Variants in XPR1 observed in about 807,000 individuals in gnomAD.
XPR1 encodes solute carrier family 53 member 1.
A neutral mutation model predicts 87.5 loss-of-function variants in XPR1; 28 were observed. The observed-to-expected ratio is 0.32, with a 90% CI of 0.24 to 0.44. The LOEUF (loss-of-function observed/expected upper bound fraction) is 0.44. Among genes scored for constraint, XPR1 ranks in the 20% least tolerant of loss-of-function variants. The pLI is 1.00. For synonymous variants in XPR1, 300 were observed against 306.1 expected, an observed-to-expected ratio of 0.98 and a Z score of 0.21; for missense variants, 559 against 862.3, an observed-to-expected ratio of 0.65 and a Z score of 4.41.
chr1:180,883,093 G>T (rs1408140776), intron 14 of XPR1, among the ~76,000 whole-genome samples: 1 of 147,204 alleles, frequency 6.8e-6, no homozygotes, highest in African/African-American at 2.5e-5. Context: ...TTCCTGAGTA[G>T]CTGGGGCTAC....
intron 2 of XPR1, among the ~76,000 whole-genome samples, chr1:180,735,651 A>G (rs924902576): frequency 6.6e-6 from 1 of 152,222 alleles, no homozygotes; most frequent in Non-Finnish European, 1.5e-5. Flanking sequence ...ATGATAATCA[A>G]TGCTTTTAAC....
chr1:180,759,400 CAGAT>C (rs1474322363), intron 2 of XPR1, among the ~76,000 whole-genome samples: 4 of 152,106 alleles, frequency 2.6e-5, no homozygotes, highest in African/African-American at 7.2e-5. Context: ...AGAGAAGAAT[CAGAT>C]AGGCGCAATA....
At chr1:180,830,196 A>G (rs1366236472) in intron 9 of XPR1, among the ~76,000 whole-genome samples, 1 of 152,196 alleles carries the variant, frequency 6.6e-6, no homozygotes, top group Non-Finnish European at 1.5e-5. Context: ...CTTCGTGCAT[A>G]GATGACTACC....
intron 11 of XPR1, among the ~76,000 whole-genome samples, chr1:180,855,904 T>G (rs974407732): frequency 2.0e-5 from 3 of 152,158 alleles, no homozygotes; most frequent in Non-Finnish European, 2.9e-5. Context: ...GTGTCCTTCC[T>G]CCTGTGCACT....
At position 180,880,058 on chromosome 1, in the gene XPR1, C is replaced by A. The variant is rs950149167; in HGVS notation, c.1809-18C>A. On this transcript the variant is annotated intron_variant, in intron 13 of 14. Transcript: ENST00000367590. ...GTTACAATTTCATAAGTACTTTGAT[C>A]TACCCCATTTTGCTAAGGCGATTTG... is the stretch of plus-strand genomic sequence containing the variant. The A allele has an allele frequency of 6.2e-6, 10 of 1,613,550 alleles. No individual in the cohort carries two copies. The African/African-American group carries it at 1.2e-4, about 19-fold the overall frequency.
At chr1:180,632,339 C>A in intron 1 of XPR1, 69 bp downstream of exon 1, 1 of 1,543,482 alleles carries the variant, frequency 6.5e-7, no homozygotes, top group Non-Finnish European at 8.8e-7. Context: ...ACGTCCACCG[C>A]CGCCTTCCGC....
chr1:180,701,701 G>A (rs1339260415), intron 2 of XPR1, among the ~76,000 whole-genome samples: 3 of 138,184 alleles, frequency 2.2e-5, no homozygotes, highest in Middle Eastern at 3.5e-3. Flanking sequence ...GTCTCTGCCC[G>A]GCTTTGGTAT....
At chr1:180,825,703 T>A (rs1215195215) in intron 9 of XPR1, among the ~76,000 whole-genome samples, 1 of 152,230 alleles carries the variant, frequency 6.6e-6, no homozygotes, top group African/African-American at 2.4e-5. Context: ...TAGGAAAGAT[T>A]TGTTCTCTAA....
chr1:180,856,880 T>G (rs959438381), intron 11 of XPR1, among the ~76,000 whole-genome samples: 3 of 152,220 alleles, frequency 2.0e-5, no homozygotes, highest in African/African-American at 7.2e-5. Flanking sequence ...AGAGCTGCAC[T>G]GTTGCATAAT....
At position 180,806,488 on chromosome 1, in the gene XPR1, T is replaced by A; in HGVS notation, c.612T>A (p.Asn204Lys). The A allele has an allele frequency of 6.2e-7, 1 of 1,613,498 alleles. No homozygotes were observed. Among genetic ancestry groups the A allele is most frequent in the Non-Finnish European group, 8.5e-7 (1 of 1,179,564 alleles). The part of the protein sequence containing the change: ...LISETEAVVT[N>K]ELEDGDRQKA... ...TGTCTTTCTAGGCTGTAGTGACCAA[T>A]GAACTTGAAGATGGTGACAGACAAA... The change falls in exon 6 of 15, where the codon AAT (asparagine) becomes AAA (lysine). Residue 204 changes from asparagine to lysine, a missense_variant. Coordinates refer to ENST00000367590, the MANE Select transcript of XPR1 (RefSeq NM_004736.4).
intron 2 of XPR1, among the ~76,000 whole-genome samples, chr1:180,777,631 G>A (rs1648773420): frequency 6.6e-6 from 1 of 151,966 alleles, no homozygotes; most frequent in Non-Finnish European, 1.5e-5. Context: ...TGAAATCTTT[G>A]CCATATGCTT....
chr1:180,754,523 C>T (rs935371652), intron 2 of XPR1, among the ~76,000 whole-genome samples: 16 of 152,074 alleles, frequency 1.1e-4, no homozygotes, highest in Middle Eastern at 3.4e-3. Context: ...TATACTGGTG[C>T]GATCTCATCT....
chr1:180,733,725 A>C (rs955555776), intron 2 of XPR1, among the ~76,000 whole-genome samples: 10 of 152,176 alleles, frequency 6.6e-5, no homozygotes, highest in African/African-American at 2.4e-4. Flanking sequence ...GGAAGACGGG[A>C]TTTTATTTGG....
In XPR1 at chr1:180,683,716, GTGA is replaced by G. The variant is rs1161558483; in HGVS notation, c.121+1312_121+1314del. 1.2e-4 allele frequency among the ~76,000 whole-genome samples: 18 copies of G among 152,268 alleles called. No homozygotes were observed. In the Middle Eastern group the frequency reaches 0.014, roughly 115 times the overall value. Reference sequence around the variant, plus strand: ...TTGATTTGCATTTCTCTGATGGCCAGTGATGATGAGCATTTTTTCATGTGTTTT... The same window carrying G: ...TTGATTTGCATTTCTCTGATGGCCAGTGATGAGCATTTTTTCATGTGTTTT... On this transcript the variant is annotated intron_variant, in intron 2 of 14. Transcript: ENST00000367590.
At chr1:180,839,039 A>G (rs1294242409) in intron 11 of XPR1, among the ~76,000 whole-genome samples, 2 of 152,058 alleles carry the variant, frequency 1.3e-5, no homozygotes, top group African/African-American at 4.8e-5. Flanking sequence ...TTCCTTTTTC[A>G]GTTTTTATAT....
At chr1:180,768,818 A>G (rs1417933781) in intron 2 of XPR1, among the ~76,000 whole-genome samples, 1 of 152,242 alleles carries the variant, frequency 6.6e-6, no homozygotes, top group Non-Finnish European at 1.5e-5. Context: ...ATTCACCTCC[A>G]TGTACTACTT....
chr1:180,641,494 T>G (rs960247750), intron 1 of XPR1, among the ~76,000 whole-genome samples: 1 of 152,172 alleles, frequency 6.6e-6, no homozygotes, highest in Non-Finnish European at 1.5e-5. Flanking sequence ...GAAAACCAGG[T>G]GAGAACAATT....
At chr1:180,661,476 CGTGTGT>C (rs60527318) in intron 1 of XPR1, among the ~76,000 whole-genome samples, 10,523 of 142,354 alleles carry the variant, frequency 0.074, 476 homozygotes, top group African/African-American at 0.12. Flanking sequence ...TTTAATTTTT[CGTGTGT>C]GTGTGTGTGT....
At chr1:180,711,154 C>T (rs1222325666) in intron 2 of XPR1, among the ~76,000 whole-genome samples, 1 of 151,772 alleles carries the variant, frequency 6.6e-6, no homozygotes, top group Admixed American at 6.6e-5. Context: ...AGAGGCGCTC[C>T]CCACATCTCA....
Sources: gnomAD v4.1 joint callset for allele counts (sites outside exome capture counted in the v4.1 genomes callset) on GRCh38, gnomAD v4.1.1 for gene constraint, MANE v1.5 for transcripts, NCBI Gene and HGNC (gene_info 2026-07-23, HGNC 2026-07-21) for gene names.